The following LDLRAD3 variants were observed in gnomAD, a reference collection of about 807,000 sequenced individuals.
LDLRAD3 encodes low-density lipoprotein receptor class A domain-containing protein 3.
A neutral mutation model predicts 29.4 loss-of-function variants in LDLRAD3; 20 were observed. That is an observed-to-expected ratio of 0.68 (90% CI 0.48 to 0.99). LDLRAD3 has a LOEUF of 0.99. LDLRAD3 is among the 50% of genes least tolerant of loss of function. The probability of loss-of-function intolerance (pLI) is 0.00; values close to 1 mark genes in which losing one functional copy is unlikely to be tolerated. For synonymous variants in LDLRAD3, 157 were observed against 192.7 expected, an observed-to-expected ratio of 0.81 and a Z score of 1.53; for missense variants, 420 against 454.3, an observed-to-expected ratio of 0.92 and a Z score of 0.69.
chr11:35,991,681 C>G (rs569666147), intron 1 of LDLRAD3, among the ~76,000 whole-genome samples: 1 of 152,278 alleles, frequency 6.6e-6, no homozygotes, highest in South Asian at 2.1e-4. Flanking sequence ...TGTCACAGAT[C>G]TCTGCAGAGC....
Position 36,081,680 on chromosome 11 carries a change from C to T in LDLRAD3, c.221C>T (p.Thr74Ile), listed in dbSNP as rs375279667. Residue 74 changes from threonine to isoleucine, a missense_variant, in exon 3 of 6, where the codon ACC (threonine) becomes ATC (isoleucine). Physicochemically the swap from Thr to Ile is moderately conservative, Grantham distance 89. Coordinates refer to ENST00000315571, the MANE Select transcript of LDLRAD3 (RefSeq NM_174902.4). ...CPKAKSKCGP[T>I]FFPCASGIHC... Reference sequence around the variant, plus strand: ...AAGGCTAAGTCGAAATGTGGCCCAACCTTCTTCCCCTGTGCCAGCGGCATC... The same window carrying T: ...AAGGCTAAGTCGAAATGTGGCCCAATCTTCTTCCCCTGTGCCAGCGGCATC... 131 of 1,614,124 alleles carry T rather than the reference C, an allele frequency of 8.1e-5. No individual in the cohort carries two copies. Among genetic ancestry groups the T allele is most frequent in the Non-Finnish European group, 1.0e-4 (121 of 1,180,050 alleles).
At chr11:36,161,636 T>G (rs976808337) in intron 4 of LDLRAD3, among the ~76,000 whole-genome samples, 1 of 152,128 alleles carries the variant, frequency 6.6e-6, no homozygotes, top group African/African-American at 2.4e-5. Context: ...CCAACTCCAC[T>G]TCAGTCCCGG....
chr11:35,979,683 G>A (rs952710732), intron 1 of LDLRAD3, among the ~76,000 whole-genome samples: 2 of 152,180 alleles, frequency 1.3e-5, no homozygotes, highest in Non-Finnish European at 2.9e-5. Context: ...GAGAAGCCAA[G>A]TTAAAATCGA....
At position 36,067,558 on chromosome 11, in the gene LDLRAD3, A is replaced by T. The variant is rs1434950685; in HGVS notation, c.194-14095A>T. On this transcript the variant is annotated intron_variant, in intron 2 of 5. Transcript: ENST00000315571. ...GTAGTGTTCATCTCTCTATTTCCTG[A>T]TAAGGAAATTGAGGCACAGAGTGGG... Among the ~76,000 whole-genome samples, 4 of 152,174 alleles carry T rather than the reference A, an allele frequency of 2.6e-5. No individual in the cohort carries two copies. In the East Asian group the frequency reaches 5.8e-4, roughly 22 times the overall value.
At chr11:36,206,279 T>C (rs1855207361) in intron 4 of LDLRAD3, among the ~76,000 whole-genome samples, 1 of 152,238 alleles carries the variant, frequency 6.6e-6, no homozygotes, top group Non-Finnish European at 1.5e-5. Context: ...ATATTAGCTT[T>C]ACAGATATTT....
At chr11:35,981,565 A>T (rs550814270) in intron 1 of LDLRAD3, among the ~76,000 whole-genome samples, 10 of 152,254 alleles carry the variant, frequency 6.6e-5, no homozygotes, top group South Asian at 6.2e-4. Context: ...AGATCCTCAG[A>T]TTTTTTTAGG....
chr11:35,976,130 G>A (rs1435608269), intron 1 of LDLRAD3, among the ~76,000 whole-genome samples: 3 of 152,232 alleles, frequency 2.0e-5, no homozygotes, highest in East Asian at 1.9e-4. Context: ...AAGCAGAAAT[G>A]TGATGATCTC....
rs571407537 is a variant in LDLRAD3, at chr11:36,113,590, G to A, written c.454+15129G>A. ...TCACATGACCACACCTAGCTGCAAG[G>A]GAGGCTGATCAATGTTTTCTTTCTC... On this transcript the variant is annotated intron_variant, in intron 4 of 5. Transcript: ENST00000315571. Among the ~76,000 whole-genome samples the A allele has an allele frequency of 2.6e-5, 4 of 152,044 alleles. No individual in the cohort carries two copies. The South Asian group carries it at 6.2e-4, about 24-fold the overall frequency.
chr11:36,044,365 G>A (rs1565181983), intron 2 of LDLRAD3, among the ~76,000 whole-genome samples: 1 of 152,284 alleles, frequency 6.6e-6, no homozygotes, highest in East Asian at 1.9e-4. Context: ...AGTCTGACAT[G>A]AGCTAATATG....
In LDLRAD3 at chr11:35,953,101, C is replaced by T. The variant is rs191123678; in HGVS notation, c.46+8957C>T. 6.3e-4 allele frequency among the ~76,000 whole-genome samples: 96 copies of T among 152,316 alleles called. 2 individuals carry two copies. The highest frequency in any genetic ancestry group is 1.1e-3 in the Non-Finnish European group (76 of 68,032). On this transcript the variant is annotated intron_variant, in intron 1 of 5. Coordinates refer to ENST00000315571, the MANE Select transcript of LDLRAD3 (RefSeq NM_174902.4). Reference sequence around the variant, plus strand: ...CTTACTCCCAAGGCCTTTCCAGAGACCTGAGAACCGGACTCTCCTTTTGTT... The same window carrying T: ...CTTACTCCCAAGGCCTTTCCAGAGATCTGAGAACCGGACTCTCCTTTTGTT...
At chr11:35,977,416 G>A (rs1326881599) in intron 1 of LDLRAD3, among the ~76,000 whole-genome samples, 1 of 152,164 alleles carries the variant, frequency 6.6e-6, no homozygotes, top group Non-Finnish European at 1.5e-5. Flanking sequence ...TTAGTAATTA[G>A]AAAAGGAAAA....
At chr11:36,095,393 C>T (rs115534867) in intron 3 of LDLRAD3, among the ~76,000 whole-genome samples, 5 of 107,608 alleles carry the variant, frequency 4.6e-5, no homozygotes, top group South Asian at 6.8e-4. Context: ...GAGTGTGGCA[C>T]GTCATCACCA....
At chr11:35,999,740 A>G (rs1303706298) in intron 1 of LDLRAD3, among the ~76,000 whole-genome samples, 1 of 152,060 alleles carries the variant, frequency 6.6e-6, no homozygotes, top group Admixed American at 6.6e-5. Context: ...CCTCCTGGAA[A>G]TCTCCTGTTG....
At chr11:36,222,199 G>T (rs1855438417) in intron 4 of LDLRAD3, among the ~76,000 whole-genome samples, 1 of 152,100 alleles carries the variant, frequency 6.6e-6, no homozygotes, top group African/African-American at 2.4e-5. Context: ...CTCCTGAGTA[G>T]CTGGGACTAC....
intron 1 of LDLRAD3, among the ~76,000 whole-genome samples, chr11:36,015,490 G>T (rs1368110978): frequency 6.6e-6 from 1 of 152,092 alleles, no homozygotes; most frequent in Non-Finnish European, 1.5e-5. Context: ...TTTTATTTAA[G>T]TAAACTTTTT....
Position 35,944,243 on chromosome 11 carries a change from C to CCGCTCTCCGGGCGTGGGT in LDLRAD3, c.46+100_46+117dup. On this transcript the variant is annotated intron_variant, in intron 1 of 5. Coordinates refer to ENST00000315571, the MANE Select transcript of LDLRAD3 (RefSeq NM_174902.4). The surrounding 1 kb of genome is among the most constrained non-coding windows in gnomAD (Gnocchi z 4.9). ...GATCGCGTCCTCTCCCGGGCGCGGG[C>CCGCTCTCCGGGCGTGGGT]CGCTCTCCGGGCGTGGGTGAGCGCG... 1 of 741,116 alleles carries CCGCTCTCCGGGCGTGGGT rather than the reference C, an allele frequency of 1.3e-6. No individual in the cohort carries two copies. The highest frequency in any genetic ancestry group is 1.7e-6 in the Non-Finnish European group (1 of 605,976). The allele number at this position is 741,116 out of a possible 1,614,324, so 45.9% of individuals were successfully genotyped here. A position where few individuals can be genotyped will look rare whatever the true frequency, so the allele number is the denominator to read the frequency against.
intron 1 of LDLRAD3, among the ~76,000 whole-genome samples, chr11:35,962,347 T>G (rs1043014820): frequency 6.6e-6 from 1 of 152,024 alleles, no homozygotes; most frequent in Non-Finnish European, 1.5e-5. Context: ...CAGGTATATT[T>G]TAGTTTTGCT....
At chr11:35,993,202 A>C (rs996897650) in intron 1 of LDLRAD3, among the ~76,000 whole-genome samples, 29 of 152,326 alleles carry the variant, frequency 1.9e-4, no homozygotes, top group African/African-American at 7.0e-4. Context: ...GGTAGTGTTT[A>C]AAAACAAGTT....
At chr11:36,209,127 C>T (rs1339413761) in intron 4 of LDLRAD3, among the ~76,000 whole-genome samples, 3 of 152,182 alleles carry the variant, frequency 2.0e-5, no homozygotes, top group Non-Finnish European at 4.4e-5. Flanking sequence ...AATAACTTCT[C>T]GATCCTCTTC....
Sources: allele counts gnomAD v4.1 joint callset (sites outside exome capture counted in the v4.1 genomes callset), GRCh38; gene constraint gnomAD v4.1.1; non-coding constraint Gnocchi (gnomAD v3.1); transcripts MANE v1.5; gene names NCBI Gene and HGNC (gene_info 2026-07-23, HGNC 2026-07-21).